Variants in RTTN observed in about 807,000 individuals in gnomAD.
RTTN encodes the protein rotatin.
Under a neutral mutation model 269.2 loss-of-function variants are expected in RTTN, and 182 were observed. The ratio of observed to expected loss-of-function variants is 0.68; its 90% CI spans 0.60 to 0.76. The LOEUF (loss-of-function observed/expected upper bound fraction) is 0.76. Ranked by LOEUF, RTTN falls within the 30% of genes least tolerant of loss-of-function variation. RTTN has a pLI of 0.00. For synonymous variants in RTTN, 1,006 were observed against 963.5 expected, an observed-to-expected ratio of 1.04 and a Z score of -0.82; for missense variants, 2,545 against 2,608.6, an observed-to-expected ratio of 0.98 and a Z score of 0.53.
At chr18:70,175,903 T>C (rs529449423) in intron 11 of RTTN, among the ~76,000 whole-genome samples, 1 of 152,002 alleles carries the variant, frequency 6.6e-6, no homozygotes, top group Admixed American at 6.6e-5. Context: ...TGGGAAATAG[T>C]GAATAAGTAA....
In RTTN at chr18:70,092,774, C is replaced by G. The variant is rs2058886246; in HGVS notation, c.3934G>C (p.Gly1312Arg). ...TTTCCCATGAAGGACATAGCATTTC[C>G]TCCACGCTCCACATAAAAAGAAGTA... is the stretch of plus-strand genomic sequence containing the variant. The part of the protein sequence containing the change: ...VITSFYVERG[G>R]NAMSFMGKGV... Residue 1312 changes from glycine to arginine, a missense_variant, in exon 29 of 49, where the codon GGA (glycine) becomes CGA (arginine). Gly to Arg is a moderately radical substitution (Grantham distance 125). Transcript: ENST00000640769. The G allele has an allele frequency of 6.2e-7, 1 of 1,610,204 alleles. No homozygotes were observed. The highest frequency in any genetic ancestry group is 1.7e-5 in the Admixed American group (1 of 59,870).
In RTTN at chr18:70,128,489, A is replaced by C; in HGVS notation, c.3012T>G (p.Val1004=). The C allele has an allele frequency of 6.2e-7, 1 of 1,613,254 alleles. No homozygotes were observed. Among genetic ancestry groups the C allele is most frequent in the Non-Finnish European group, 8.5e-7 (1 of 1,179,506 alleles). ...GHHAVSPYSI[V]LPLSADCLAL... ...CCAAACAATCAGCAGATAAGGGCAAAACTATGGAGTAAGGACTCACAGCAT... is the reference window on the plus strand; with the variant it reads ...CCAAACAATCAGCAGATAAGGGCAACACTATGGAGTAAGGACTCACAGCAT... The change falls in exon 24 of 49, where the codon GTT becomes GTG. Residue 1004 remains valine (V), a synonymous_variant. Transcript: ENST00000640769.
At position 70,166,066 on chromosome 18, in the gene RTTN, G is replaced by A. The variant is rs760276630; in HGVS notation, c.1925C>T (p.Thr642Met). 2.5e-6 allele frequency: 4 copies of A among 1,613,286 alleles called. No individual in the cohort carries two copies. The highest frequency in any genetic ancestry group is 2.5e-6 in the Non-Finnish European group (3 of 1,179,556). Residue 642 changes from threonine to methionine, a missense_variant, in exon 14 of 49, where the codon ACG becomes ATG. Physicochemically the swap from Thr to Met is moderately conservative, Grantham distance 81. Coordinates refer to ENST00000640769, the MANE Select transcript of RTTN (RefSeq NM_173630.4). ...TACGAAAAAACAAAACCTCACCTTC[G>A]TGATTTCCAGACAGCAGTGGTAAGT... ...AETYHCCLEITKECLGVHNVT... is the reference protein window; with the variant it reads ...AETYHCCLEIMKECLGVHNVT...
intron 12 of RTTN, among the ~76,000 whole-genome samples, chr18:70,168,280 T>C (rs2061044954): frequency 6.6e-6 from 1 of 152,186 alleles, no homozygotes; most frequent in Non-Finnish European, 1.5e-5. Flanking sequence ...TAAGACCCAT[T>C]AACCCTTTCA....
chr18:70,051,302 G>A (rs139618880), intron 39 of RTTN, 109 bp downstream of exon 39: 8 of 1,269,388 alleles, frequency 6.3e-6, no homozygotes, highest in Non-Finnish European at 8.5e-6. Context: ...TCTTTTATAT[G>A]CCATGCTATA....
At chr18:70,108,448 G>T (rs2059380319) in intron 28 of RTTN, among the ~76,000 whole-genome samples, 1 of 152,066 alleles carries the variant, frequency 6.6e-6, no homozygotes, top group Non-Finnish European at 1.5e-5. Flanking sequence ...ATTTAAAATG[G>T]TTGAAAAAGT....
intron 30 of RTTN, among the ~76,000 whole-genome samples, chr18:70,088,474 T>C (rs140490034): frequency 1.3e-5 from 2 of 152,350 alleles, no homozygotes; most frequent in African/African-American, 4.8e-5. Flanking sequence ...TCTTCATTCT[T>C]AAAAAAGGTA....
intron 46 of RTTN, 96 bp from the exon 47 acceptor site, chr18:70,006,580 G>GAA: frequency 1.1e-6 from 1 of 883,606 alleles, no homozygotes; most frequent in Non-Finnish European, 1.8e-6. Flanking sequence ...TTTCCCATTA[G>GAA]AATGCATACA....
At chr18:70,121,747 A>C in intron 25 of RTTN, 47 bp from the exon 26 acceptor site, 2 of 1,467,526 alleles carry the variant, frequency 1.4e-6, no homozygotes, top group Non-Finnish European at 1.8e-6. Flanking sequence ...TTTAAAATAC[A>C]CAATACCACT....
chr18:70,112,958 A>C (rs2059511679), intron 27 of RTTN, among the ~76,000 whole-genome samples: 1 of 152,236 alleles, frequency 6.6e-6, no homozygotes, highest in South Asian at 2.1e-4. Flanking sequence ...GCAAATCATA[A>C]CAAACAGTCT....
At chr18:70,086,711 A>AGT in intron 31 of RTTN, 27 bp from the exon 32 acceptor site, 1 of 674,024 alleles carries the variant, frequency 1.5e-6, no homozygotes. Context: ...AAAAAAAAAA[A>AGT]AAAAAAAAAA....
intron 43 of RTTN, 145 bp from the exon 44 acceptor site, chr18:70,024,993 G>A (rs1568257298): frequency 1.1e-6 from 1 of 880,042 alleles, no homozygotes; most frequent in Non-Finnish European, 1.7e-6. Context: ...GCCCCATTGG[G>A]CTCCACACAT....
At chr18:70,047,281 T>C (rs771950446) in intron 40 of RTTN, among the ~76,000 whole-genome samples, 7 of 152,314 alleles carry the variant, frequency 4.6e-5, no homozygotes, top group Admixed American at 3.9e-4. Flanking sequence ...AAAAGAATAA[T>C]TCTAAATACT....
At chr18:70,045,743 G>C (rs1159256335) in intron 40 of RTTN, among the ~76,000 whole-genome samples, 1 of 152,152 alleles carries the variant, frequency 6.6e-6, no homozygotes, top group African/African-American at 2.4e-5. Context: ...CTTTCTAACA[G>C]ATGTCATGTA....
intron 32 of RTTN, among the ~76,000 whole-genome samples, chr18:70,079,361 C>T (rs1241733711): frequency 1.3e-5 from 2 of 152,020 alleles, no homozygotes; most frequent in East Asian, 3.9e-4. Context: ...AAGCATTAAG[C>T]CTGAATCCCC....
chr18:70,090,242 AC>A (rs890711839), intron 30 of RTTN, among the ~76,000 whole-genome samples: 2 of 152,252 alleles, frequency 1.3e-5, no homozygotes, highest in African/African-American at 4.8e-5. Context: ...ACATTCCAAG[AC>A]CCCCAGTAGA....
At chr18:70,015,951 A>G (rs1199523240) in intron 46 of RTTN, among the ~76,000 whole-genome samples, 2 of 152,146 alleles carry the variant, frequency 1.3e-5, no homozygotes, top group Admixed American at 1.3e-4. Context: ...CTGAGGAGGG[A>G]TTATCATCAC....
chr18:70,185,087 G>A (rs1000693238), intron 10 of RTTN, among the ~76,000 whole-genome samples: 3 of 151,784 alleles, frequency 2.0e-5, no homozygotes, highest in Non-Finnish European at 4.4e-5. Flanking sequence ...TAGTTGGTAA[G>A]GAATTCAGGA....
chr18:70,065,691 G>T, intron 35 of RTTN, 138 bp downstream of exon 35: 1 of 468,106 alleles, frequency 2.1e-6, no homozygotes, highest in East Asian at 3.2e-5. Context: ...TGATATATTG[G>T]TTCTAAATGT....
Sources: gnomAD v4.1 joint callset for allele counts (sites outside exome capture counted in the v4.1 genomes callset) on GRCh38, gnomAD v4.1.1 for gene constraint, MANE v1.5 for transcripts, NCBI Gene and HGNC (gene_info 2026-07-23, HGNC 2026-07-21) for gene names.